The following BEND3 variants were observed in gnomAD, a reference collection of about 807,000 sequenced individuals.
The protein encoded by BEND3 is BEN domain containing 3, also known as BEN domain-containing protein 3.
Under a neutral mutation model 60.1 loss-of-function variants are expected in BEND3, and 13 were observed. That is an observed-to-expected ratio of 0.22 (90% CI 0.14 to 0.34). BEND3 has a LOEUF of 0.34. Among genes scored for constraint, BEND3 ranks in the 10% least tolerant of loss-of-function variants. The probability of loss-of-function intolerance (pLI) is 1.00; values close to 1 mark genes in which losing one functional copy is unlikely to be tolerated. For missense variants in BEND3, 896 were observed against 1,138.1 expected, an observed-to-expected ratio of 0.79 and a Z score of 3.06; for synonymous variants, 497 against 491.5, an observed-to-expected ratio of 1.01 and a Z score of -0.15.
intron 3 of BEND3, 114 bp downstream of exon 3, chr6:107,098,437 T>C (rs1006112033): frequency 9.3e-7 from 1 of 1,074,376 alleles, no homozygotes; most frequent in Non-Finnish European, 1.3e-6. Flanking sequence ...AATGAAACCT[T>C]CCCATGCCCA....
In BEND3 at chr6:107,098,495, A is replaced by C. The variant is rs1775634396; in HGVS notation, c.240+56T>G. 4 of 1,563,750 alleles carry C rather than the reference A, an allele frequency of 2.6e-6. 1 individual carries two copies. In the African/African-American group the frequency reaches 5.4e-5, roughly 21 times the overall value. On this transcript the variant is annotated intron_variant, in intron 3 of 3. Transcript: ENST00000369042. The stretch of plus-strand genomic sequence containing the variant: ...GCCCAAAACAAGAGGGAGATTCAGC[A>C]TGGAATCAGAGAGGGTTAGAGCCCA...
At chr6:107,072,060 G>A (rs1257317043) in intron 3 of BEND3, among the ~76,000 whole-genome samples, 1 of 152,160 alleles carries the variant, frequency 6.6e-6, no homozygotes, top group African/African-American at 2.4e-5. Context: ...TGTTGAATTC[G>A]ACCCAGATAC....
At position 107,068,825 on chromosome 6, in the gene BEND3, G is replaced by C; in HGVS notation, c.2366C>G (p.Pro789Arg). 1 of 1,614,076 alleles carries C rather than the reference G, an allele frequency of 6.2e-7. No individual in the cohort carries two copies. Residue 789 changes from proline to arginine, a missense_variant, in exon 4 of 4, where the codon CCG becomes CGG. Physicochemically the swap from Pro to Arg is moderately radical, Grantham distance 103 (BLOSUM62 -2). This residue lies in a region of BEND3 where 29 missense variants were observed against 51.9 expected (regional missense o/e 0.56). Transcript: ENST00000369042. This position sits in a 1 kb window ranked among gnomAD's most constrained non-coding sequence, Gnocchi z 5.8. ...LIRHYVEAVY[P>R]VEKMEEVWHY... ...CCACACCTCCTCCATCTTCTCCACCGGGTAGACGGCTTCCACGTAGTGGCG... is the reference window on the plus strand; with the variant it reads ...CCACACCTCCTCCATCTTCTCCACCCGGTAGACGGCTTCCACGTAGTGGCG...
chr6:107,107,574 T>C (rs1356640453), intron 1 of BEND3, among the ~76,000 whole-genome samples: 17 of 152,142 alleles, frequency 1.1e-4, no homozygotes, highest in Admixed American at 1.1e-3. Flanking sequence ...GCGATTCTCC[T>C]GCCTCAGCCT....
At chr6:107,110,215 C>T (rs782048089) in intron 1 of BEND3, among the ~76,000 whole-genome samples, 1 of 152,172 alleles carries the variant, frequency 6.6e-6, no homozygotes, top group Non-Finnish European at 1.5e-5. Context: ...GCTGAGAAAA[C>T]TTCAGCTCTA....
At position 107,112,668 on chromosome 6, in the gene BEND3, A is replaced by C. The variant is rs553993691; in HGVS notation, c.-12+2422T>G. ...CGGGAGTTCGAGACCAGCCTGACCAACATGCAGAAATCCCCTCTCTACTAA... is the reference window on the plus strand; with the variant it reads ...CGGGAGTTCGAGACCAGCCTGACCACCATGCAGAAATCCCCTCTCTACTAA... On this transcript the variant is annotated intron_variant, in intron 1 of 3. Coordinates refer to ENST00000369042, the MANE Select transcript of BEND3 (RefSeq NM_001367314.1). Among the ~76,000 whole-genome samples, 5 of 152,124 alleles carry C rather than the reference A, an allele frequency of 3.3e-5. No individual in the cohort carries two copies. In the East Asian group the frequency reaches 9.7e-4, roughly 30 times the overall value.
chr6:107,071,754 AAT>A (rs1177052710), intron 3 of BEND3, among the ~76,000 whole-genome samples: 1 of 151,744 alleles, frequency 6.6e-6, no homozygotes, highest in East Asian at 1.9e-4. Context: ...TCTCAAAATA[AAT>A]AACAAAAAAG....
chr6:107,089,613 G>C (rs1345625802), intron 3 of BEND3, among the ~76,000 whole-genome samples: 1 of 124,962 alleles, frequency 8.0e-6, no homozygotes. Context: ...TTTTTTTTTC[G>C]AGACAGAGTC....
chr6:107,075,430 G>A (rs1272993415), intron 3 of BEND3, among the ~76,000 whole-genome samples: 2 of 152,168 alleles, frequency 1.3e-5, no homozygotes, highest in East Asian at 3.8e-4. Flanking sequence ...GTGGGTCACT[G>A]TGGAAAACCA....
Position 107,102,534 on chromosome 6 carries a change from G to A in BEND3, c.-11-3238C>T, listed in dbSNP as rs149986481. On this transcript the variant is annotated intron_variant, in intron 1 of 3. Transcript: ENST00000369042. ...GGAAGGGGTGCTGGTGCGGCTGCCT[G>A]GGCATTCAAGACACCGAGTGCTTGT... is the stretch of plus-strand genomic sequence containing the variant. 2.5e-3 allele frequency among the ~76,000 whole-genome samples: 384 copies of A among 152,314 alleles called. 4 individuals carry two copies. Among genetic ancestry groups the A allele is most frequent in the African/African-American group, 9.0e-3 (373 of 41,564 alleles).
intron 1 of BEND3, chr6:107,114,362 GC>G (rs1770210789): frequency 6.6e-6 from 1 of 152,082 alleles, no homozygotes; most frequent in Non-Finnish European, 1.5e-5. Context: ...CAGCTCCTGG[GC>G]AGCGGGAACC....
chr6:107,080,989 T>C (rs782567106), intron 3 of BEND3, among the ~76,000 whole-genome samples: 4 of 152,198 alleles, frequency 2.6e-5, no homozygotes, highest in Non-Finnish European at 5.9e-5. Flanking sequence ...TGGCATGGGA[T>C]CTCAGTCTGT....
intron 3 of BEND3, among the ~76,000 whole-genome samples, chr6:107,073,201 G>GTATATATATA (rs782669876): frequency 4.9e-4 from 11 of 22,614 alleles, no homozygotes; most frequent in South Asian, 2.7e-3. Context: ...GTATGTGTAT[G>GTATATATATA]TATATATATA....
In BEND3 at chr6:107,076,743, T is replaced by C. The variant is rs1230874846; in HGVS notation, c.241-5793A>G. Reference sequence around the variant, plus strand: ...GCAGAGAGGCCATGTGAAACAGTGGTCAGTTGGGCTGGCATCTCCCTCCTG... The same window carrying C: ...GCAGAGAGGCCATGTGAAACAGTGGCCAGTTGGGCTGGCATCTCCCTCCTG... On this transcript the variant is annotated intron_variant, in intron 3 of 3. Transcript: ENST00000369042. Among the ~76,000 whole-genome samples, 3 of 152,280 alleles carry C rather than the reference T, an allele frequency of 2.0e-5. No individual in the cohort carries two copies. The East Asian group carries it at 5.8e-4, about 29-fold the overall frequency.
chr6:107,110,568 TTTC>T (rs1456344007), intron 1 of BEND3, among the ~76,000 whole-genome samples: 1 of 152,098 alleles, frequency 6.6e-6, no homozygotes, highest in East Asian at 1.9e-4. Flanking sequence ...TGACTTTCTT[TTTC>T]TTTTTGAGAC....
chr6:107,087,035 A>G (rs1775364827), intron 3 of BEND3, among the ~76,000 whole-genome samples: 2 of 150,704 alleles, frequency 1.3e-5, no homozygotes, highest in Admixed American at 6.6e-5. Context: ...AAAAAAAAAA[A>G]AAAAAAGAAA....
chr6:107,068,815 C>G lies in BEND3; in HGVS notation c.2376G>C (p.Lys792Asn). ...ATTCGTAGTGCCACACCTCCTCCATCTTCTCCACCGGGTAGACGGCTTCCA... is the reference window on the plus strand; with the variant it reads ...ATTCGTAGTGCCACACCTCCTCCATGTTCTCCACCGGGTAGACGGCTTCCA... ...HYVEAVYPVE[K>N]MEEVWHYECI... is the part of the protein sequence containing the mutation. The change falls in exon 4 of 4, where the codon AAG becomes AAC. Residue 792 changes from lysine to asparagine, a missense_variant. Lys to Asn is a moderately conservative substitution (Grantham distance 94, BLOSUM62 0). Coordinates refer to ENST00000369042, the MANE Select transcript of BEND3 (RefSeq NM_001367314.1). The surrounding 1 kb of genome is among the most constrained non-coding windows in gnomAD (Gnocchi z 5.8). The G allele has an allele frequency of 6.2e-7, 1 of 1,614,156 alleles. No homozygotes were observed. The highest frequency in any genetic ancestry group is 8.5e-7 in the Non-Finnish European group (1 of 1,180,042).
intron 3 of BEND3, among the ~76,000 whole-genome samples, chr6:107,088,135 T>G (rs1410043735): frequency 6.6e-6 from 1 of 151,840 alleles, no homozygotes; most frequent in Non-Finnish European, 1.5e-5. Context: ...CTCAGCCTCC[T>G]AAGTAGCTAG....
intron 1 of BEND3, among the ~76,000 whole-genome samples, chr6:107,108,432 C>T (rs901775131): frequency 2.0e-5 from 3 of 152,190 alleles, no homozygotes; most frequent in African/African-American, 7.2e-5. Flanking sequence ...AAGGAGGGAC[C>T]GCACATTCCA....
Sources: gnomAD v4.1 joint callset for allele counts (sites outside exome capture counted in the v4.1 genomes callset) on GRCh38, gnomAD v4.1.1 for gene constraint, gnomAD v4.1.1 regional missense constraint, Gnocchi (gnomAD v3.1) non-coding constraint, MANE v1.5 for transcripts, NCBI Gene and HGNC (gene_info 2026-07-23, HGNC 2026-07-21) for gene names.